The following ZNF536 variants were observed in gnomAD, a reference collection of about 807,000 sequenced individuals.
The protein encoded by ZNF536 is zinc finger protein 536.
A neutral mutation model predicts 84.5 loss-of-function variants in ZNF536; 13 were observed. The observed-to-expected ratio is 0.15, with a 90% CI of 0.10 to 0.24. ZNF536 has a LOEUF of 0.24. Among genes scored for constraint, ZNF536 ranks in the 10% least tolerant of loss-of-function variants. ZNF536 has a pLI of 1.00. For missense variants in ZNF536, 1,536 were observed against 1,747.5 expected (o/e 0.88, Z 2.16); for synonymous variants, 811 against 742.5 (o/e 1.09, Z -1.50).
At chr19:30,412,970 A>G (rs1037239508) in intron 1 of ZNF536, among the ~76,000 whole-genome samples, 4 of 149,170 alleles carry the variant, frequency 2.7e-5, no homozygotes, top group Non-Finnish European at 4.4e-5. Flanking sequence ...TTTTTTAGAC[A>G]ATTCATTTAT....
At chr19:30,632,344 A>G (rs1018438942) in intron 1 of ZNF536, among the ~76,000 whole-genome samples, 2 of 152,168 alleles carry the variant, frequency 1.3e-5, no homozygotes, top group African/African-American at 2.4e-5. Flanking sequence ...GGTGGCTCAC[A>G]CTTGTAATCC....
intron 1 of ZNF536, among the ~76,000 whole-genome samples, chr19:30,275,948 C>G (rs1241146757): frequency 6.6e-6 from 1 of 152,038 alleles, no homozygotes; most frequent in African/African-American, 2.4e-5. Context: ...ACTGAATCAC[C>G]GGCAAGAGTA....
At chr19:30,463,220 G>A (rs1182173638) in intron 2 of ZNF536, among the ~76,000 whole-genome samples, 2 of 152,138 alleles carry the variant, frequency 1.3e-5, no homozygotes, top group Non-Finnish European at 2.9e-5. Context: ...CAAGGACTAT[G>A]ACCTTCAACT....
At position 30,594,797 on chromosome 19, in the gene ZNF536, C is replaced by CGAGGCCAA. The variant is rs558614990; in HGVS notation, c.169+45284_169+45291dup. 3.4e-3 allele frequency among the ~76,000 whole-genome samples: 520 copies of CGAGGCCAA among 152,108 alleles called. 2 individuals are homozygous for CGAGGCCAA. Among genetic ancestry groups the CGAGGCCAA allele is most frequent in the African/African-American group, 0.012 (503 of 41,500 alleles). Reference sequence around the variant, plus strand: ...ATCCTGCATTCCATTTAGTGACAGCCGAGGCCAACGTCTGAGCCACGCTGG... The same window carrying CGAGGCCAA: ...ATCCTGCATTCCATTTAGTGACAGCCGAGGCCAAGAGGCCAACGTCTGAGCCACGCTGG... On this transcript the variant is annotated intron_variant, in intron 1 of 1. Coordinates refer to the ZNF536 transcript ENST00000592773.
At chr19:30,475,786 C>T (rs1000387947) in intron 2 of ZNF536, among the ~76,000 whole-genome samples, 1 of 152,170 alleles carries the variant, frequency 6.6e-6, no homozygotes, top group African/African-American at 2.4e-5. Flanking sequence ...GCTTTAGGAC[C>T]AGCCGCTCCT....
At chr19:30,671,132 T>A (rs2050536998) in intron 1 of ZNF536, among the ~76,000 whole-genome samples, 1 of 152,222 alleles carries the variant, frequency 6.6e-6, no homozygotes. Context: ...CATTATCCTA[T>A]CTGCCAGAGG....
intron 1 of ZNF536, among the ~76,000 whole-genome samples, chr19:30,442,186 C>G (rs1266022761): frequency 1.6e-4 from 25 of 152,168 alleles, no homozygotes; most frequent in Non-Finnish European, 1.5e-5. Flanking sequence ...TAGAAGGATC[C>G]CAGGCAGGGG....
At chr19:30,339,968 G>A (rs1027501171) in intron 2 of ZNF536, among the ~76,000 whole-genome samples, 8 of 152,242 alleles carry the variant, frequency 5.3e-5, no homozygotes, top group Non-Finnish European at 7.4e-5. Flanking sequence ...CCTCCTCAAG[G>A]AGGACCAGTG....
chr19:30,429,772 G>T (rs1433075), intron 1 of ZNF536, among the ~76,000 whole-genome samples: 66,657 of 152,016 alleles, frequency 0.44, 15,541 homozygotes, highest in Non-Finnish European at 0.52. Flanking sequence ...CTGAATAAAT[G>T]AATGAATGAG....
chr19:30,232,843 A>G (rs2023173649), intron 1 of ZNF536, among the ~76,000 whole-genome samples: 1 of 152,038 alleles, frequency 6.6e-6, no homozygotes, highest in African/African-American at 2.4e-5. Flanking sequence ...CCCAGCTTCT[A>G]CCCCACTAGA....
chr19:30,469,196 C>T (rs538918537), intron 2 of ZNF536, among the ~76,000 whole-genome samples: 4 of 152,258 alleles, frequency 2.6e-5, no homozygotes, highest in East Asian at 1.9e-4. Context: ...AGGTGGATCA[C>T]GAGGTCAGGA....
At chr19:30,302,050 C>T (rs1261720851) in intron 2 of ZNF536, among the ~76,000 whole-genome samples, 1 of 150,078 alleles carries the variant, frequency 6.7e-6, no homozygotes, top group East Asian at 2.0e-4. Context: ...GTTTTAGCAA[C>T]GTATACAAAT....
At chr19:30,312,427 T>A (rs1158534495) in intron 2 of ZNF536, among the ~76,000 whole-genome samples, 1 of 152,166 alleles carries the variant, frequency 6.6e-6, no homozygotes, top group Non-Finnish European at 1.5e-5. Context: ...GCACAGAGCT[T>A]CCCATGCTCA....
chr19:30,370,955 G>A (rs1210305919), upstream of ZNF536, among the ~76,000 whole-genome samples: 2 of 152,186 alleles, frequency 1.3e-5, no homozygotes, highest in Non-Finnish European at 2.9e-5. Flanking sequence ...AGCACTCCGT[G>A]TAAAAAATCA....
At chr19:30,441,333 C>T (rs1237192170) in intron 1 of ZNF536, among the ~76,000 whole-genome samples, 2 of 152,218 alleles carry the variant, frequency 1.3e-5, no homozygotes, top group South Asian at 4.1e-4. Flanking sequence ...CCTGTTGGCT[C>T]AGAAGAGGAG....
At chr19:30,303,752 C>T (rs2145969801) in intron 2 of ZNF536, among the ~76,000 whole-genome samples, 1 of 152,298 alleles carries the variant, frequency 6.6e-6, no homozygotes, top group South Asian at 2.1e-4. Flanking sequence ...CTCGGCCTCC[C>T]AAAGTGCTGG....
At chr19:30,226,447 T>C (rs2022618407), upstream of ZNF536, among the ~76,000 whole-genome samples, 1 of 151,864 alleles carries the variant, frequency 6.6e-6, no homozygotes, top group South Asian at 2.1e-4. This position sits in a 1 kb window ranked among gnomAD's most constrained non-coding sequence, Gnocchi z 4.6. Context: ...GTGTCAAACT[T>C]GCGGGCGCCG....
intron 1 of ZNF536, among the ~76,000 whole-genome samples, chr19:30,702,656 G>A (rs1227531305): frequency 2.0e-5 from 3 of 152,186 alleles, no homozygotes; most frequent in Non-Finnish European, 4.4e-5. Flanking sequence ...TCCCCACTGA[G>A]CTTCCCCTGT....
chr19:30,549,574 C>T lies in ZNF536; in HGVS notation c.3895+60C>T, dbSNP rs2146262810. 4.9e-6 allele frequency: 7 copies of T among 1,417,910 alleles called. No homozygotes were observed. In the South Asian group the frequency reaches 1.0e-4, roughly 21 times the overall value. The allele number at this position is 1,417,910 out of a possible 1,614,324, so 87.8% of individuals were successfully genotyped here. A position where few individuals can be genotyped will look rare whatever the true frequency, so the allele number is the denominator to read the frequency against. On this transcript the variant is annotated intron_variant, in intron 4 of 4. Transcript: ENST00000355537. Reference sequence around the variant, plus strand: ...CCCAAAACATCAGTGCTGAATTGTGCATTTAAAAAAATGAGGTAGACTTAT... The same window carrying T: ...CCCAAAACATCAGTGCTGAATTGTGTATTTAAAAAAATGAGGTAGACTTAT...
Sources: gnomAD v4.1 joint callset for allele counts (sites outside exome capture counted in the v4.1 genomes callset) on GRCh38, gnomAD v4.1.1 for gene constraint, Gnocchi (gnomAD v3.1) non-coding constraint, MANE v1.5 for transcripts, NCBI Gene and HGNC (gene_info 2026-07-23, HGNC 2026-07-21) for gene names.